Variants in NBAS observed in about 807,000 individuals in gnomAD.
The protein encoded by NBAS is NBAS subunit of NRZ tethering complex.
NBAS carries 219 observed loss-of-function variants against 302.5 expected under a neutral mutation model. The ratio of observed to expected loss-of-function variants is 0.72; its 90% CI spans 0.65 to 0.81. NBAS has a LOEUF of 0.81. NBAS is among the 30% of genes least tolerant of loss of function. The probability of loss-of-function intolerance (pLI) is 0.00; values close to 1 mark genes in which losing one functional copy is unlikely to be tolerated. For missense variants in NBAS, 2,932 were observed against 2,841.6 expected (o/e 1.03, Z -0.72); for synonymous variants, 1,118 against 1,021.6 (o/e 1.09, Z -1.80).
At chr2:15,143,248 T>C in the NBAS span, among the ~76,000 whole-genome samples, 6 of 152,318 alleles carry the variant, frequency 3.9e-5, no homozygotes, top group East Asian at 1.2e-3. Flanking sequence ...CGATCCTTCT[T>C]TTACAAACAA....
chr2:15,417,384 A>G, intron 24 of NBAS, 143 bp downstream of exon 24: 1 of 742,738 alleles, frequency 1.3e-6, no homozygotes, highest in East Asian at 2.7e-5. Flanking sequence ...TATGCATAAT[A>G]TTTTACTGTG....
chr2:15,527,099 G>T, intron 9 of NBAS, among the ~76,000 whole-genome samples: 2 of 137,488 alleles, frequency 1.5e-5, no homozygotes, highest in East Asian at 2.6e-4. Flanking sequence ...AGGGACAAGA[G>T]AAAAAAAAAA....
chr2:14,974,839 T>TA, the NBAS span, among the ~76,000 whole-genome samples: 1 of 152,322 alleles, frequency 6.6e-6, no homozygotes, highest in South Asian at 2.1e-4. Context: ...CAGTTCATCC[T>TA]AAAAAGGGAT....
At chr2:14,975,401 C>T in the NBAS span, among the ~76,000 whole-genome samples, 1 of 152,174 alleles carries the variant, frequency 6.6e-6, no homozygotes, top group Non-Finnish European at 1.5e-5. Context: ...TGTTTCAATT[C>T]AACGAATTAT....
chr2:15,128,157 A>T, the NBAS span, among the ~76,000 whole-genome samples: 3 of 151,552 alleles, frequency 2.0e-5, no homozygotes, highest in South Asian at 2.1e-4. Context: ...ATTTCAAAAT[A>T]AAAAAAAAGC....
At chr2:15,337,112 A>G (rs531243783) in intron 35 of NBAS, among the ~76,000 whole-genome samples, 1 of 152,274 alleles carries the variant, frequency 6.6e-6, no homozygotes, top group African/African-American at 2.4e-5. Context: ...CATCTCTACA[A>G]ACAATTAAAA....
At chr2:15,179,930 G>A (rs978554602) in intron 50 of NBAS, 1 of 152,112 alleles carries the variant, frequency 6.6e-6, no homozygotes, top group Non-Finnish European at 1.5e-5. Context: ...GAGCTGTGTT[G>A]CCATTTAGGT....
intron 38 of NBAS, among the ~76,000 whole-genome samples, chr2:15,314,135 C>T (rs1373612110): frequency 6.6e-6 from 1 of 152,154 alleles, no homozygotes; most frequent in Non-Finnish European, 1.5e-5. Context: ...AGGTGGATCA[C>T]TTGAAGCTAG....
chr2:15,487,156 T>C (rs1680664840), intron 12 of NBAS, among the ~76,000 whole-genome samples: 3 of 152,104 alleles, frequency 2.0e-5, no homozygotes, highest in Admixed American at 6.6e-5. Flanking sequence ...TTTAGAAAAA[T>C]GTTGCCCAAA....
At chr2:15,368,771 T>C (rs1451729585) in intron 31 of NBAS, among the ~76,000 whole-genome samples, 2 of 152,194 alleles carry the variant, frequency 1.3e-5, no homozygotes, top group East Asian at 1.9e-4. Context: ...AAATGACATA[T>C]GCCACTTCTG....
chr2:15,346,385 GA>G (rs1673091752), intron 35 of NBAS, among the ~76,000 whole-genome samples: 1 of 151,812 alleles, frequency 6.6e-6, no homozygotes, highest in African/African-American at 2.4e-5. Context: ...ACACCTCCAA[GA>G]AACACATGAA....
At chr2:15,400,287 G>A (rs554070422) in intron 26 of NBAS, among the ~76,000 whole-genome samples, 3 of 151,346 alleles carry the variant, frequency 2.0e-5, no homozygotes, top group African/African-American at 7.3e-5. Flanking sequence ...TAGTTTTCAC[G>A]ACTGCAAGTA....
rs1553338026 is a variant in NBAS at position 15,186,181 on chromosome 2, C to CATATATATATAAAATATGCAT, written c.6711+560_6711+561insATGCATATTTTATATATATAT. On this transcript the variant is annotated intron_variant, in intron 50 of 51. Transcript: ENST00000281513. ...GTGTCTGTGTGTGTGTATATATATG[C>CATATATATATAAAATATGCAT]ATATATATATAAAATATATATGTAT... Among the ~76,000 whole-genome samples the CATATATATATAAAATATGCAT allele has an allele frequency of 4.0e-5, 6 of 148,476 alleles. No individual in the cohort carries two copies. The East Asian group carries it at 1.2e-3, about 29-fold the overall frequency.
chr2:15,127,186 G>A, the NBAS span, among the ~76,000 whole-genome samples: 3 of 152,332 alleles, frequency 2.0e-5, no homozygotes, highest in Admixed American at 1.3e-4. Flanking sequence ...TGCAAATTAT[G>A]TAGCAGGTCC....
chr2:14,880,134 G>C, the NBAS span, among the ~76,000 whole-genome samples: 1 of 152,068 alleles, frequency 6.6e-6, no homozygotes, highest in Non-Finnish European at 1.5e-5. Context: ...CCCCTCAAAA[G>C]AAAGTTTTTT....
intron 40 of NBAS, among the ~76,000 whole-genome samples, chr2:15,304,033 A>G (rs1488213552): frequency 6.6e-6 from 1 of 152,200 alleles, no homozygotes; most frequent in African/African-American, 2.4e-5. Flanking sequence ...CACATGAGGG[A>G]TGCTTAACGA....
rs146275399 is a variant in NBAS, at chr2:15,323,792, G to A, written c.4582+3958C>T. Among the ~76,000 whole-genome samples, 151 of 151,326 alleles carry A rather than the reference G, an allele frequency of 1.0e-3. 2 individuals are homozygous for A. In the East Asian group the frequency reaches 0.028, roughly 28 times the overall value. On this transcript the variant is annotated intron_variant, in intron 38 of 51. Transcript: ENST00000281513. ...TGAGATTGCAGTGAGCCACAATCAC[G>A]CCACTGCACTCCAGCCTGGGCGACA...
At chr2:15,102,989 A>AAGGAAGGAAGGAAGGAAGGAAGGG in the NBAS span, among the ~76,000 whole-genome samples, 2 of 55,112 alleles carry the variant, frequency 3.6e-5, no homozygotes, top group Non-Finnish European at 1.1e-4. Flanking sequence ...GGAAGGAAGG[A>AAGGAAGGAAGGAAGGAAGGAAGGG]AGGAAGGAAG....
intron 25 of NBAS, among the ~76,000 whole-genome samples, chr2:15,404,633 G>A (rs188011217): frequency 1.2e-4 from 18 of 151,512 alleles, no homozygotes; most frequent in East Asian, 5.8e-4. Context: ...CTGCCTCGGC[G>A]TCCTGAGTAG....
Sources: allele counts gnomAD v4.1 joint callset (sites outside exome capture counted in the v4.1 genomes callset), GRCh38; gene constraint gnomAD v4.1.1; transcripts MANE v1.5; gene names NCBI Gene and HGNC (gene_info 2026-07-23, HGNC 2026-07-21).